SUGCT: variants seen among roughly 807,000 people sequenced by gnomAD.
SUGCT encodes the protein succinyl-CoA:glutarate CoA-transferase.
A neutral mutation model predicts 55.0 loss-of-function variants in SUGCT; 41 were observed. The ratio of observed to expected loss-of-function variants is 0.74; its 90% CI spans 0.58 to 0.97. The LOEUF (loss-of-function observed/expected upper bound fraction) is 0.97. Among genes scored for constraint, SUGCT ranks in the 50% least tolerant of loss-of-function variants. The pLI is 0.00. For synonymous variants in SUGCT, 187 were observed against 200.4 expected (o/e 0.93, Z 0.56); for missense variants, 568 against 547.8 (o/e 1.04, Z -0.37).
At position 40,222,261 on chromosome 7, in the gene SUGCT, G is replaced by A. The variant is rs370409362; in HGVS notation, c.485-15374G>A. ...TTGGAAGAACCTATTACAATGCCCC[G>A]TGTTACAATAAGTAGGCTTTAAATC... On this transcript the variant is annotated intron_variant, in intron 6 of 13. Coordinates refer to ENST00000335693, the MANE Select transcript of SUGCT (RefSeq NM_001193313.2). Among the ~76,000 whole-genome samples the A allele has an allele frequency of 4.0e-4, 61 of 152,340 alleles. 1 individual carries two copies. In the South Asian group the frequency reaches 0.012, roughly 31 times the overall value.
At chr7:40,597,108 G>A (rs1053359933) in intron 12 of SUGCT, among the ~76,000 whole-genome samples, 1 of 152,166 alleles carries the variant, frequency 6.6e-6, no homozygotes, top group African/African-American at 2.4e-5. Flanking sequence ...AAGAAGATAG[G>A]AACTAGAACT....
intron 12 of SUGCT, among the ~76,000 whole-genome samples, chr7:40,673,618 A>G (rs1221374991): frequency 2.0e-5 from 3 of 152,206 alleles, no homozygotes; most frequent in Non-Finnish European, 2.9e-5. Flanking sequence ...GCTGAAGAGT[A>G]TTATATAACC....
chr7:40,261,238 G>A (rs1283521576), intron 7 of SUGCT, among the ~76,000 whole-genome samples: 1 of 152,178 alleles, frequency 6.6e-6, no homozygotes, highest in African/African-American at 2.4e-5. Context: ...CAATGAATAA[G>A]AGAATATTAG....
intron 8 of SUGCT, among the ~76,000 whole-genome samples, chr7:40,308,946 G>A (rs1247221183): frequency 6.6e-6 from 1 of 152,172 alleles, no homozygotes; most frequent in Non-Finnish European, 1.5e-5. Flanking sequence ...GTAGGTGGAG[G>A]TTGCAATGAG....
At chr7:40,691,244 C>T (rs578010734) in intron 12 of SUGCT, among the ~76,000 whole-genome samples, 23 of 152,106 alleles carry the variant, frequency 1.5e-4, no homozygotes, top group South Asian at 1.5e-3. Context: ...TTTTCTCTTA[C>T]GAACCTACAG....
chr7:40,457,971 G>A (rs1226039085), intron 10 of SUGCT, among the ~76,000 whole-genome samples: 1 of 152,152 alleles, frequency 6.6e-6, no homozygotes, highest in African/African-American at 2.4e-5. Context: ...AAAGGGTGCT[G>A]TATGTGGTGT....
At chr7:40,449,173 T>C (rs1440342429) in intron 9 of SUGCT, 114 bp from the exon 10 acceptor site, 6 of 657,366 alleles carry the variant, frequency 9.1e-6, no homozygotes, top group Non-Finnish European at 1.6e-5. Flanking sequence ...TAATCGATAT[T>C]GAATTAATAA....
chr7:40,975,342 C>A, the SUGCT span, among the ~76,000 whole-genome samples: 1 of 152,160 alleles, frequency 6.6e-6, no homozygotes, highest in Non-Finnish European at 1.5e-5. Flanking sequence ...TTCCTTGGGT[C>A]CCATATCACA....
At chr7:40,402,579 A>G (rs552915869) in intron 9 of SUGCT, among the ~76,000 whole-genome samples, 2 of 151,388 alleles carry the variant, frequency 1.3e-5, no homozygotes, top group South Asian at 4.2e-4. Context: ...GTTTATTGGT[A>G]CCTGTTTTTT....
the SUGCT span, among the ~76,000 whole-genome samples, chr7:40,958,666 A>G: frequency 2.0e-5 from 3 of 151,952 alleles, no homozygotes; most frequent in Non-Finnish European, 4.4e-5. Flanking sequence ...ATGTCTGTCA[A>G]TTCATCAAAC....
the SUGCT span, among the ~76,000 whole-genome samples, chr7:40,997,948 C>A: frequency 6.6e-6 from 1 of 152,196 alleles, no homozygotes; most frequent in Non-Finnish European, 1.5e-5. Flanking sequence ...CATAAGCAAC[C>A]TGCTCAATGC....
chr7:40,718,606 T>A (rs972138528), intron 12 of SUGCT, among the ~76,000 whole-genome samples: 6 of 152,248 alleles, frequency 3.9e-5, no homozygotes, highest in Non-Finnish European at 8.8e-5. Context: ...GACTGTTTAA[T>A]AATAGTCCAA....
intron 12 of SUGCT, among the ~76,000 whole-genome samples, chr7:40,639,690 T>TTC (rs1800181209): frequency 6.6e-6 from 1 of 151,608 alleles, no homozygotes; most frequent in Admixed American, 6.6e-5. Flanking sequence ...TTTTTTTTTT[T>TTC]TCAGTAGAGA....
chr7:40,203,601 C>T (rs1215178375), intron 6 of SUGCT, among the ~76,000 whole-genome samples: 1 of 151,788 alleles, frequency 6.6e-6, no homozygotes, highest in Non-Finnish European at 1.5e-5. Flanking sequence ...ACGGTGAAAC[C>T]CCGTCTCTAT....
chr7:40,187,005 G>A (rs3966459), intron 3 of SUGCT, among the ~76,000 whole-genome samples: 77,682 of 151,960 alleles, frequency 0.51, 20,268 homozygotes, highest in Middle Eastern at 0.65. Context: ...TTGCGGCACT[G>A]TTCACAATAG....
intron 9 of SUGCT, among the ~76,000 whole-genome samples, chr7:40,341,435 G>C (rs568824361): frequency 6.6e-6 from 1 of 152,170 alleles, no homozygotes; most frequent in Non-Finnish European, 1.5e-5. Context: ...AGTGTAGAAT[G>C]TATGCGCCTG....
At chr7:40,850,809 A>C (rs539191964) in intron 13 of SUGCT, among the ~76,000 whole-genome samples, 2 of 152,310 alleles carry the variant, frequency 1.3e-5, no homozygotes, top group Admixed American at 1.3e-4. Context: ...GCCTGCTCTC[A>C]CAAATCTAAA....
chr7:40,444,122 G>A (rs1788676284), intron 9 of SUGCT, among the ~76,000 whole-genome samples: 1 of 152,152 alleles, frequency 6.6e-6, no homozygotes, highest in Admixed American at 6.6e-5. Flanking sequence ...TTTGGTTACT[G>A]TAGCCTTGTA....
intron 12 of SUGCT, among the ~76,000 whole-genome samples, chr7:40,721,648 T>G (rs1786344194): frequency 6.6e-6 from 1 of 152,240 alleles, no homozygotes; most frequent in African/African-American, 2.4e-5. Flanking sequence ...ATTTCTTAAT[T>G]AATGGACATA....
Sources: allele counts gnomAD v4.1 joint callset (sites outside exome capture counted in the v4.1 genomes callset), GRCh38; gene constraint gnomAD v4.1.1; transcripts MANE v1.5; gene names NCBI Gene and HGNC (gene_info 2026-07-23, HGNC 2026-07-21).